Variants in HIVEP1 observed in about 807,000 individuals in gnomAD.
The protein encoded by HIVEP1 is zinc finger protein 40.
HIVEP1 carries 36 observed loss-of-function variants against 180.0 expected under a neutral mutation model. The ratio of observed to expected loss-of-function variants is 0.20; its 90% CI spans 0.15 to 0.26. HIVEP1 has a LOEUF of 0.26. Ranked by LOEUF, HIVEP1 falls within the 10% of genes least tolerant of loss-of-function variation. The pLI is 1.00. For synonymous variants in HIVEP1, 1,239 were observed against 1,239.0 expected (o/e 1.00, Z 0.00); for missense variants, 3,143 against 3,268.7 (o/e 0.96, Z 0.94).
chr6:12,120,599 T>C lies in HIVEP1; in HGVS notation c.804T>C (p.Ala268=), dbSNP rs1775511556. Residue 268 remains alanine (A), a synonymous_variant, in exon 4 of 9, where the codon GCT becomes GCC. Coordinates refer to ENST00000379388, the MANE Select transcript of HIVEP1 (RefSeq NM_002114.4). ...CCTCATACACAGTCCATATGTCTGC[T>C]GCTCAGAAGAATGAGCAAGGGGCAA... ...SCTSYTVHMS[A]AQKNEQGAMQ... is the part of the protein sequence containing the mutation. 2 of 1,614,130 alleles carry C rather than the reference T, an allele frequency of 1.2e-6. No homozygotes were observed. The highest frequency in any genetic ancestry group is 1.7e-6 in the Non-Finnish European group (2 of 1,180,050).
intron 6 of HIVEP1, among the ~76,000 whole-genome samples, chr6:12,132,984 T>C (rs548583168): frequency 6.6e-6 from 1 of 152,296 alleles, no homozygotes; most frequent in East Asian, 1.9e-4. Flanking sequence ...TCACCTTCTC[T>C]GATTTACTTG....
intron 2 of HIVEP1, among the ~76,000 whole-genome samples, chr6:12,035,160 CTG>C (rs1769193983): frequency 6.6e-6 from 1 of 152,178 alleles, no homozygotes; most frequent in South Asian, 2.1e-4. Flanking sequence ...TGAGTTTAAT[CTG>C]TGACAGAGAA....
the HIVEP1 span, among the ~76,000 whole-genome samples, chr6:12,199,687 T>C: frequency 6.6e-6 from 1 of 152,204 alleles, no homozygotes; most frequent in Non-Finnish European, 1.5e-5. Context: ...TTCTTCTCTG[T>C]ACCTAGTATG....
At chr6:12,163,074 C>G (rs1426190127) in intron 8 of HIVEP1, among the ~76,000 whole-genome samples, 1 of 152,098 alleles carries the variant, frequency 6.6e-6, no homozygotes, top group Non-Finnish European at 1.5e-5. Flanking sequence ...TTATTTCTAC[C>G]AGAAACGAAA....
At position 12,021,340 on chromosome 6, in the gene HIVEP1, C is replaced by T. The variant is rs558072849; in HGVS notation, c.40+5672C>T. 7.9e-5 allele frequency among the ~76,000 whole-genome samples: 12 copies of T among 152,308 alleles called. No homozygotes were observed. The East Asian group carries it at 9.6e-4, about 12-fold the overall frequency. On this transcript the variant is annotated intron_variant, in intron 2 of 8. Transcript: ENST00000379388. ...ATTTCAGGAGCTCAGCATGCACATC[C>T]GGTATTTCTGTGCTTGGTTGTCTTT...
At position 12,122,872 on chromosome 6, in the gene HIVEP1, C is replaced by A; in HGVS notation, c.3077C>A (p.Pro1026His). The change falls in exon 4 of 9, where the codon CCC becomes CAC. Residue 1026 changes from proline (P) to histidine (H), a missense_variant. Coordinates refer to ENST00000379388, the MANE Select transcript of HIVEP1 (RefSeq NM_002114.4). Reference sequence around the variant, plus strand: ...TCCTCCGGCATCTGGGAACAGACGCCCCAGATAAGAAAAAGGAGGAAAATG... The same window carrying A: ...TCCTCCGGCATCTGGGAACAGACGCACCAGATAAGAAAAAGGAGGAAAATG... ...AGSSGIWEQT[P>H]QIRKRRKMKS... 1 of 1,613,844 alleles carries A rather than the reference C, an allele frequency of 6.2e-7. No homozygotes were observed. The highest frequency in any genetic ancestry group is 1.1e-5 in the South Asian group (1 of 91,066).
In HIVEP1 at chr6:12,161,634, C is replaced by G; in HGVS notation, c.6683C>G (p.Thr2228Ser). The G allele has an allele frequency of 6.2e-7, 1 of 1,614,124 alleles. No homozygotes were observed. Among genetic ancestry groups the G allele is most frequent in the Non-Finnish European group, 8.5e-7 (1 of 1,180,004 alleles). The change falls in exon 8 of 9, where the codon ACT becomes AGT. Residue 2228 changes from threonine to serine, a missense_variant. Physicochemically the swap from Thr to Ser is moderately conservative, Grantham distance 58. This residue lies in a region of HIVEP1 where 595 missense variants were observed against 602.2 expected (regional missense o/e 0.99). Coordinates refer to ENST00000379388, the MANE Select transcript of HIVEP1 (RefSeq NM_002114.4). ...AGTAGCCTTCAGGACCCTGTGAGTA[C>G]TGACGAGGATGTCAGGATCACCGAT... ...SRSSLQDPVS[T>S]DEDVRITDCF... is the part of the protein sequence containing the mutation.
In HIVEP1 at chr6:12,121,767, C is replaced by G. The variant is rs1337218006; in HGVS notation, c.1972C>G (p.Gln658Glu). The G allele has an allele frequency of 2.5e-6, 4 of 1,614,158 alleles. No homozygotes were observed. The highest frequency in any genetic ancestry group is 3.4e-6 in the Non-Finnish European group (4 of 1,180,028). Reference sequence around the variant, plus strand: ...GCAGGCTACCGATTACTCCCAAGAGCAGCAAGGAAAGCTCCTGAGTCCTCG... The same window carrying G: ...GCAGGCTACCGATTACTCCCAAGAGGAGCAAGGAAAGCTCCTGAGTCCTCG... The part of the protein sequence containing the change: ...RQQATDYSQE[Q>E]QGKLLSPRSL... The change falls in exon 4 of 9, where the codon CAG becomes GAG. Residue 658 changes from glutamine (Q) to glutamate (E), a missense_variant. Transcript: ENST00000379388. The surrounding 1 kb of genome is among the most constrained non-coding windows in gnomAD (Gnocchi z 5.3).
At chr6:12,107,794 C>T (rs1774542824) in intron 3 of HIVEP1, among the ~76,000 whole-genome samples, 1 of 152,192 alleles carries the variant, frequency 6.6e-6, no homozygotes, top group Non-Finnish European at 1.5e-5. Context: ...CTGGCTCGGG[C>T]AGCCTGCTTT....
the HIVEP1 span, among the ~76,000 whole-genome samples, chr6:12,206,100 G>A: frequency 1.3e-5 from 2 of 152,110 alleles, no homozygotes; most frequent in Non-Finnish European, 2.9e-5. Flanking sequence ...TATGACTGGT[G>A]TCCTTGTACA....
At chr6:12,202,563 C>T in the HIVEP1 span, among the ~76,000 whole-genome samples, 2 of 152,176 alleles carry the variant, frequency 1.3e-5, no homozygotes, top group African/African-American at 4.8e-5. Flanking sequence ...CCTGATACTT[C>T]GTTTAGGACA....
rs1775467222 is a variant in HIVEP1, at chr6:12,120,029, T to C, written c.234T>C (p.Asn78=). The C allele has an allele frequency of 6.2e-7, 1 of 1,612,980 alleles. No individual in the cohort carries two copies. The highest frequency in any genetic ancestry group is 8.5e-7 in the Non-Finnish European group (1 of 1,179,718). Residue 78 remains asparagine (N), a synonymous_variant, in exon 4 of 9, where the codon AAT becomes AAC. Coordinates refer to ENST00000379388, the MANE Select transcript of HIVEP1 (RefSeq NM_002114.4). The part of the protein sequence containing the change: ...RNPLQAKHKQ[N]TEESSFAVLH... ...CTCTTCAGGCAAAACATAAACAAAA[T>C]ACAGAAGAGTCATCTTTCGCCGTTC...
chr6:12,079,523 C>T (rs6910959), intron 2 of HIVEP1, among the ~76,000 whole-genome samples: 7,659 of 152,122 alleles, frequency 0.05, 202 homozygotes, highest in South Asian at 0.1. Flanking sequence ...CTGCTGCTGC[C>T]CCTGGTACTT....
At chr6:12,172,658 T>C in the HIVEP1 span, among the ~76,000 whole-genome samples, 4 of 152,182 alleles carry the variant, frequency 2.6e-5, no homozygotes, top group Non-Finnish European at 4.4e-5. Context: ...TTTTATATAG[T>C]GCAGTATTTT....
chr6:12,158,787 G>A (rs185491113), intron 7 of HIVEP1, among the ~76,000 whole-genome samples: 8 of 152,288 alleles, frequency 5.3e-5, no homozygotes, highest in African/African-American at 1.2e-4. Flanking sequence ...ACAACAGTGC[G>A]TGCCGCCCTT....
intron 3 of HIVEP1, among the ~76,000 whole-genome samples, chr6:12,117,005 T>C (rs1775255117): frequency 6.6e-6 from 1 of 152,098 alleles, no homozygotes; most frequent in African/African-American, 2.4e-5. Context: ...AACTAATGAA[T>C]AAATATGAAA....
chr6:12,108,739 G>C (rs953298014), intron 3 of HIVEP1, among the ~76,000 whole-genome samples: 1 of 152,168 alleles, frequency 6.6e-6, no homozygotes, highest in African/African-American at 2.4e-5. Context: ...TGCAAGCGCC[G>C]CGCGCACCCC....
At chr6:12,012,244 C>G (rs1312726735), upstream of HIVEP1, 1 of 143,434 alleles carries the variant, frequency 7.0e-6, no homozygotes, top group Non-Finnish European at 1.5e-5. Flanking sequence ...GCCCGCGCGC[C>G]CCGCGCTCCC....
chr6:12,019,537 A>G (rs557351071), intron 2 of HIVEP1, among the ~76,000 whole-genome samples: 2 of 152,272 alleles, frequency 1.3e-5, no homozygotes, highest in African/African-American at 4.8e-5. Context: ...AGACCAGAAG[A>G]GGAGTCACAG....
Sources: gnomAD v4.1 joint callset for allele counts (sites outside exome capture counted in the v4.1 genomes callset) on GRCh38, gnomAD v4.1.1 for gene constraint, gnomAD v4.1.1 regional missense constraint, Gnocchi (gnomAD v3.1) non-coding constraint, MANE v1.5 for transcripts, NCBI Gene and HGNC (gene_info 2026-07-23, HGNC 2026-07-21) for gene names.